FGD4: variants seen among roughly 807,000 people sequenced by gnomAD.
The protein encoded by FGD4 is FYVE, RhoGEF and PH domain containing 4, also known as FYVE, RhoGEF and PH domain-containing protein 4.
FGD4 carries 42 observed loss-of-function variants against 102.0 expected under a neutral mutation model. The observed-to-expected ratio is 0.41, with a 90% CI of 0.32 to 0.53. FGD4 has a LOEUF of 0.53. Ranked by LOEUF, FGD4 falls within the 20% of genes least tolerant of loss-of-function variation. FGD4 has a pLI of 0.21. For missense variants in FGD4, 902 were observed against 1,078.2 expected, an observed-to-expected ratio of 0.84 and a Z score of 2.29; for synonymous variants, 380 against 375.7, an observed-to-expected ratio of 1.01 and a Z score of -0.13.
intron 7 of FGD4, among the ~76,000 whole-genome samples, chr12:32,603,390 A>AT (rs369775159): frequency 0.12 from 17,994 of 146,642 alleles, 1,140 homozygotes; most frequent in Middle Eastern, 0.21. Context: ...TATTTTATTT[A>AT]TTTTTTTTTT....
At chr12:32,527,878 T>C (rs1941416885) in intron 1 of FGD4, among the ~76,000 whole-genome samples, 1 of 152,232 alleles carries the variant, frequency 6.6e-6, no homozygotes, top group African/African-American at 2.4e-5. Flanking sequence ...TAGTATAATG[T>C]TTTTATTCTC....
intron 14 of FGD4, among the ~76,000 whole-genome samples, chr12:32,629,706 TCTG>T (rs1324041747): frequency 6.6e-6 from 1 of 152,196 alleles, no homozygotes; most frequent in African/African-American, 2.4e-5. Context: ...TTGTAGCAAA[TCTG>T]CTGTTTTGTT....
intron 4 of FGD4, 118 bp downstream of exon 4, chr12:32,582,585 T>TA (rs1946705419): frequency 2.9e-6 from 4 of 1,356,928 alleles, no homozygotes; most frequent in Non-Finnish European, 4.1e-6. Context: ...CACTGGCAGT[T>TA]AAACGATTTT....
intron 12 of FGD4, chr12:32,624,715 C>G (rs1404501276): frequency 3.1e-6 from 2 of 653,982 alleles, no homozygotes; most frequent in East Asian, 2.9e-5. Context: ...CTCAAGCGAT[C>G]TGCCTGCCTC....
At chr12:32,633,162 T>G (rs995716865) in intron 14 of FGD4, among the ~76,000 whole-genome samples, 1 of 151,956 alleles carries the variant, frequency 6.6e-6, no homozygotes, top group Non-Finnish European at 1.5e-5. Context: ...CAGGACCAGT[T>G]GTATGACTGC....
intron 1 of FGD4, among the ~76,000 whole-genome samples, chr12:32,529,945 T>C (rs1306788423): frequency 6.6e-6 from 1 of 151,956 alleles, no homozygotes; most frequent in Non-Finnish European, 1.5e-5. Flanking sequence ...GCCAGTTAGG[T>C]TTAAATAAAA....
At chr12:32,551,484 A>G (rs1235284641) in intron 1 of FGD4, among the ~76,000 whole-genome samples, 1 of 152,208 alleles carries the variant, frequency 6.6e-6, no homozygotes, top group African/African-American at 2.4e-5. Flanking sequence ...ATTGAAGTAC[A>G]GGGAAAGTAA....
intron 1 of FGD4, among the ~76,000 whole-genome samples, chr12:32,454,321 G>A (rs1795261125): frequency 2.0e-5 from 3 of 152,164 alleles, no homozygotes; most frequent in Non-Finnish European, 1.5e-5. Context: ...TTAGCCTTTC[G>A]TTCTTTGAAA....
chr12:32,572,848 G>C (rs540159367), intron 2 of FGD4, among the ~76,000 whole-genome samples: 1 of 152,068 alleles, frequency 6.6e-6, no homozygotes, highest in Admixed American at 6.6e-5. Context: ...TTACCTTTTA[G>C]GTCTCCAGCT....
chr12:32,534,498 G>A, intron 1 of FGD4: 1 of 1,481,738 alleles, frequency 6.7e-7, no homozygotes, highest in Non-Finnish European at 8.9e-7. Context: ...CACTGATCAA[G>A]GTAAGTGGTT....
chr12:32,591,889 T>C (rs1236214071), intron 4 of FGD4, among the ~76,000 whole-genome samples: 1 of 152,114 alleles, frequency 6.6e-6, no homozygotes, highest in Non-Finnish European at 1.5e-5. Flanking sequence ...AGTAACAGCC[T>C]AGGAAGTGCA....
chr12:32,501,836 T>G (rs772594990), intron 1 of FGD4, among the ~76,000 whole-genome samples: 1 of 152,346 alleles, frequency 6.6e-6, no homozygotes, highest in South Asian at 2.1e-4. Context: ...ATTTTCTGTT[T>G]GTCAAGTCAA....
chr12:32,522,221 AAG>A (rs1340924220), intron 1 of FGD4, among the ~76,000 whole-genome samples: 1 of 152,210 alleles, frequency 6.6e-6, no homozygotes, highest in African/African-American at 2.4e-5. Flanking sequence ...TGTATTAAAA[AAG>A]AAACTGCATG....
At chr12:32,604,903 T>C (rs992228616) in intron 7 of FGD4, among the ~76,000 whole-genome samples, 1 of 151,902 alleles carries the variant, frequency 6.6e-6, no homozygotes, top group African/African-American at 2.4e-5. Context: ...AATGCAAATA[T>C]TGTTTTGTCA....
Position 32,530,705 on chromosome 12 carries a change from CAT to C in FGD4, c.167-33429_167-33428del, listed in dbSNP as rs560466464. On this transcript the variant is annotated intron_variant, in intron 1 of 16. Transcript: ENST00000534526. ...CTATGACAACCTTAAAATCACTAAA[CAT>C]ATTTATTTAATAGATCCCTTTTGAT... is the stretch of plus-strand genomic sequence containing the variant. Among the ~76,000 whole-genome samples, 488 of 152,184 alleles carry C rather than the reference CAT, an allele frequency of 3.2e-3. 4 individuals are homozygous for C. Among genetic ancestry groups the C allele is most frequent in the Middle Eastern group, 6.8e-3 (2 of 294 alleles).
chr12:32,401,443 AG>A (rs894449061), intron 1 of FGD4, among the ~76,000 whole-genome samples: 11 of 151,864 alleles, frequency 7.2e-5, no homozygotes, highest in Non-Finnish European at 1.3e-4. Context: ...TGTTTTTAGT[AG>A]ATACGGGGGT....
At chr12:32,405,285 G>A (rs1940885302) in intron 1 of FGD4, among the ~76,000 whole-genome samples, 1 of 102,720 alleles carries the variant, frequency 9.7e-6, no homozygotes, top group Admixed American at 1.1e-4. Flanking sequence ...TTTTTTAGAA[G>A]GAGTTTCACT....
intron 15 of FGD4, among the ~76,000 whole-genome samples, chr12:32,635,476 G>T (rs1280350671): frequency 6.6e-6 from 1 of 152,166 alleles, no homozygotes; most frequent in Non-Finnish European, 1.5e-5. Context: ...TAGGAGACAA[G>T]TATGTACATG....
At chr12:32,626,194 C>T (rs1470196026) in intron 14 of FGD4, among the ~76,000 whole-genome samples, 1 of 152,174 alleles carries the variant, frequency 6.6e-6, no homozygotes, top group Non-Finnish European at 1.5e-5. Flanking sequence ...CCTATAATCC[C>T]AGCACTTTGG....
Sources: allele counts gnomAD v4.1 joint callset (sites outside exome capture counted in the v4.1 genomes callset), GRCh38; gene constraint gnomAD v4.1.1; transcripts MANE v1.5; gene names NCBI Gene and HGNC (gene_info 2026-07-23, HGNC 2026-07-21).